Variants in BCO1 observed in about 807,000 individuals in gnomAD.
The protein encoded by BCO1 is beta,beta-carotene 15,15'-dioxygenase.
A neutral mutation model predicts 56.3 loss-of-function variants in BCO1; 54 were observed. The ratio of observed to expected loss-of-function variants is 0.96; its 90% confidence interval spans 0.77 to 1.20. The LOEUF (loss-of-function observed/expected upper bound fraction) is 1.20, where lower values mean the gene tolerates loss of function less well. Ranked by LOEUF, BCO1 falls within the 50% of genes most tolerant of loss-of-function variation. BCO1 has a pLI of 0.00. For synonymous variants in BCO1, 318 were observed against 266.1 expected, an observed-to-expected ratio of 1.20 and a Z score of -1.90; for missense variants, 801 against 690.9, an observed-to-expected ratio of 1.16 and a Z score of -1.79.
chr16:81,277,176 G>A (rs866489259), intron 7 of BCO1, among the ~76,000 whole-genome samples: 8 of 152,078 alleles, frequency 5.3e-5, no homozygotes, highest in East Asian at 1.9e-4. Context: ...GAAGGGCTGC[G>A]TGTCAAGGCA....
At chr16:81,276,905 A>T (rs1233247977) in intron 7 of BCO1, among the ~76,000 whole-genome samples, 2 of 151,254 alleles carry the variant, frequency 1.3e-5, no homozygotes, top group African/African-American at 4.9e-5. Flanking sequence ...CATCTCTACT[A>T]AAAATACAAA....
In BCO1 at chr16:81,262,914, G is replaced by A. The variant is rs549209533; in HGVS notation, c.471+631G>A. 2.6e-5 allele frequency: 4 copies of A among 155,382 alleles called. No homozygotes were observed. The East Asian group carries it at 5.7e-4, about 22-fold the overall frequency. The allele number at this position is 155,382 out of a possible 1,614,324, so 9.6% of individuals were successfully genotyped here. A position where few individuals can be genotyped will look rare whatever the true frequency, so the allele number is the denominator to read the frequency against. The stretch of plus-strand genomic sequence containing the variant: ...TCTCTCACAGTTCTGGAGGTTAAAA[G>A]TCTGAAACCAAGGTGTCAGCCCGGC... On this transcript the variant is annotated intron_variant, in intron 4 of 10. Transcript: ENST00000258168.
chr16:81,264,187 A>C, intron 4 of BCO1: 1 of 262,286 alleles, frequency 3.8e-6, no homozygotes. Flanking sequence ...TGTGCAATGC[A>C]AAAGGGCAGA....
chr16:81,271,024 G>A (rs1190280282), intron 7 of BCO1, among the ~76,000 whole-genome samples: 3 of 152,170 alleles, frequency 2.0e-5, no homozygotes, highest in African/African-American at 7.2e-5. Context: ...GATTACAGGC[G>A]TGAGCCACTG....
At chr16:81,275,470 C>G (rs1169818264) in intron 7 of BCO1, among the ~76,000 whole-genome samples, 2 of 152,240 alleles carry the variant, frequency 1.3e-5, no homozygotes, top group Non-Finnish European at 2.9e-5. Flanking sequence ...TCCGTATCCT[C>G]TAATGGCGCC....
intron 2 of BCO1, among the ~76,000 whole-genome samples, chr16:81,258,382 C>G (rs1189535052): frequency 6.6e-6 from 1 of 152,194 alleles, no homozygotes; most frequent in Non-Finnish European, 1.5e-5. Flanking sequence ...AGACATTGAA[C>G]ACAGGTCTGA....
chr16:81,267,686 G>C (rs751365793), intron 5 of BCO1, among the ~76,000 whole-genome samples: 7 of 152,142 alleles, frequency 4.6e-5, no homozygotes, highest in Non-Finnish European at 1.0e-4. Context: ...GCTCCCTCTT[G>C]GTTCAGTGGT....
intron 7 of BCO1, among the ~76,000 whole-genome samples, chr16:81,274,541 G>C (rs1324376165): frequency 2.0e-5 from 3 of 152,126 alleles, no homozygotes; most frequent in African/African-American, 7.2e-5. Context: ...TGGGATTACA[G>C]GCGTGAGCCA....
intron 1 of BCO1, 51 bp downstream of exon 1, chr16:81,239,023 T>C: frequency 7.1e-7 from 1 of 1,416,214 alleles, no homozygotes; most frequent in East Asian, 2.6e-5. Flanking sequence ...TTTTATTATT[T>C]TTTTTTTTTT....
chr16:81,253,138 C>T (rs1453207500), intron 2 of BCO1, among the ~76,000 whole-genome samples: 1 of 151,994 alleles, frequency 6.6e-6, no homozygotes, highest in Non-Finnish European at 1.5e-5. Context: ...AATAAAACTG[C>T]CCACCTAGAA....
chr16:81,287,925 A>G (rs1908276318), intron 10 of BCO1, among the ~76,000 whole-genome samples: 1 of 152,144 alleles, frequency 6.6e-6, no homozygotes, highest in South Asian at 2.1e-4. Context: ...TCATGTAAAC[A>G]TGGTTGACTG....
rs565506430 is a variant in BCO1, at chr16:81,283,700, C to T, written c.1208-1840C>T. On this transcript the variant is annotated intron_variant, in intron 8 of 10. Transcript: ENST00000258168. ...ACATCTGCTTCCCATCTCAATACTT[C>T]ATTCCCCTTCCCGCCCCACTGAGCC... is the stretch of plus-strand genomic sequence containing the variant. Among the ~76,000 whole-genome samples, 9 of 152,212 alleles carry T rather than the reference C, an allele frequency of 5.9e-5. No homozygotes were observed. The South Asian group carries it at 1.5e-3, about 25-fold the overall frequency.
chr16:81,277,880 G>T (rs145849713), intron 7 of BCO1, among the ~76,000 whole-genome samples: 1 of 152,108 alleles, frequency 6.6e-6, no homozygotes, highest in Non-Finnish European at 1.5e-5. Flanking sequence ...GACCAGTTTG[G>T]GGCTGGAGTT....
rs1226453742 is a variant in BCO1 at position 81,262,190 on chromosome 16, C to T, written c.378C>T (p.Ile126=). The change falls in exon 4 of 11, where the codon ATC becomes ATT. Residue 126 remains isoleucine, a synonymous_variant. Coordinates refer to ENST00000258168, the MANE Select transcript of BCO1 (RefSeq NM_017429.3). ...TIPDFTDNCL[I]NIMKCGEDFY... is the part of the protein sequence containing the mutation. ...CCGATTTCACCGACAACTGCCTGAT[C>T]AACATCATGAAGTGCGGAGAAGACT... The T allele has an allele frequency of 1.2e-6, 2 of 1,613,920 alleles. No homozygotes were observed. The highest frequency in any genetic ancestry group is 8.5e-7 in the Non-Finnish European group (1 of 1,179,850).
intron 2 of BCO1, among the ~76,000 whole-genome samples, chr16:81,250,131 G>C (rs1325757326): frequency 6.6e-6 from 1 of 152,184 alleles, no homozygotes; most frequent in Non-Finnish European, 1.5e-5. Context: ...GAGGAGGATA[G>C]CCTGGGGACT....
intron 8 of BCO1, among the ~76,000 whole-genome samples, chr16:81,285,176 G>A (rs975893635): frequency 1.3e-5 from 2 of 152,084 alleles, no homozygotes; most frequent in Non-Finnish European, 1.5e-5. Context: ...GCACATGCAC[G>A]CACACATATA....
intron 2 of BCO1, among the ~76,000 whole-genome samples, chr16:81,250,460 C>A (rs115139799): frequency 3.3e-5 from 5 of 152,014 alleles, no homozygotes; most frequent in African/African-American, 1.2e-4. Flanking sequence ...CAGAAATGTT[C>A]AGTTCCACTC....
At chr16:81,264,512 C>T in intron 4 of BCO1, 128 bp from the exon 5 acceptor site, 1 of 1,171,064 alleles carries the variant, frequency 8.5e-7, no homozygotes, top group Non-Finnish European at 1.3e-6. Flanking sequence ...CCTCATCTCT[C>T]TGAACCTAGA....
intron 3 of BCO1, among the ~76,000 whole-genome samples, chr16:81,260,734 C>CAGG (rs1276961001): frequency 6.6e-6 from 1 of 152,182 alleles, no homozygotes; most frequent in Non-Finnish European, 1.5e-5. Context: ...GTCTTGAACT[C>CAGG]CTGATCTTAG....
Sources: gnomAD v4.1 joint callset for allele counts (sites outside exome capture counted in the v4.1 genomes callset) on GRCh38, gnomAD v4.1.1 for gene constraint, MANE v1.5 for transcripts, NCBI Gene and HGNC (gene_info 2026-07-23, HGNC 2026-07-21) for gene names.